The following EFCAB8 variants were observed in gnomAD, a reference collection of about 807,000 sequenced individuals.
EFCAB8 encodes EF-hand calcium-binding domain-containing protein 8.
A neutral mutation model predicts 116.3 loss-of-function variants in EFCAB8; 100 were observed. The ratio of observed to expected loss-of-function variants is 0.86; its 90% CI spans 0.73 to 1.02. The LOEUF (loss-of-function observed/expected upper bound fraction) is 1.02, where lower values mean the gene tolerates loss of function less well. EFCAB8 is among the 50% of genes least tolerant of loss of function. The probability of loss-of-function intolerance (pLI) is 0.00; values close to 1 mark genes in which losing one functional copy is unlikely to be tolerated. For synonymous variants in EFCAB8, 558 were observed against 567.9 expected, an observed-to-expected ratio of 0.98 and a Z score of 0.25; for missense variants, 1,320 against 1,416.9, an observed-to-expected ratio of 0.93 and a Z score of 1.10.
chr20:32,892,823 C>T (rs1985980067), intron 8 of EFCAB8, among the ~76,000 whole-genome samples: 1 of 150,806 alleles, frequency 6.6e-6, no homozygotes, highest in African/African-American at 2.5e-5. Context: ...GTGGAGGCTC[C>T]ACAGCCTCTT....
chr20:32,905,719 CACT>C, intron 11 of EFCAB8, among the ~76,000 whole-genome samples: 1 of 138,856 alleles, frequency 7.2e-6, no homozygotes, highest in Non-Finnish European at 1.5e-5. Context: ...AAGATCGCAC[CACT>C]GCACTCCAGC....
chr20:32,868,888 G>A (rs1486737892), intron 3 of EFCAB8, among the ~76,000 whole-genome samples: 1 of 152,176 alleles, frequency 6.6e-6, no homozygotes, highest in Admixed American at 6.5e-5. Context: ...GGGAGGCTGA[G>A]GCAAGAGAAT....
At chr20:32,907,488 C>T (rs1986731438) in intron 13 of EFCAB8, among the ~76,000 whole-genome samples, 1 of 152,224 alleles carries the variant, frequency 6.6e-6, no homozygotes, top group African/African-American at 2.4e-5. Context: ...CACTGTGCTC[C>T]TCTGCAGCTG....
chr20:32,923,480 G>A (rs1169192559), intron 20 of EFCAB8, among the ~76,000 whole-genome samples: 2 of 151,838 alleles, frequency 1.3e-5, no homozygotes, highest in Non-Finnish European at 2.9e-5. Context: ...AGTGAGATTC[G>A]CCTCCAAAAC....
intron 23 of EFCAB8, among the ~76,000 whole-genome samples, chr20:32,955,331 G>C (rs866808080): frequency 3.2e-4 from 48 of 152,154 alleles, no homozygotes; most frequent in African/African-American, 1.1e-3. Flanking sequence ...CTTGAACCCA[G>C]GAGTTTGAGG....
chr20:32,942,910 C>G (rs1043749258), intron 22 of EFCAB8, among the ~76,000 whole-genome samples: 1 of 152,110 alleles, frequency 6.6e-6, no homozygotes, highest in African/African-American at 2.4e-5. Flanking sequence ...TACTATATAC[C>G]AGTTTTACAT....
At chr20:32,861,600 T>C (rs913026068) in intron 1 of EFCAB8, among the ~76,000 whole-genome samples, 2 of 152,124 alleles carry the variant, frequency 1.3e-5, no homozygotes, top group African/African-American at 4.8e-5. Flanking sequence ...TTGAAACACA[T>C]GTTAAAGATT....
intron 22 of EFCAB8, among the ~76,000 whole-genome samples, chr20:32,943,302 T>G (rs914749992): frequency 1.2e-4 from 18 of 152,228 alleles, no homozygotes; most frequent in African/African-American, 4.1e-4. Flanking sequence ...GGTTGTGAGG[T>G]TCAAATGGAA....
chr20:32,910,822 C>G (rs1986886582), intron 15 of EFCAB8, among the ~76,000 whole-genome samples: 1 of 144,090 alleles, frequency 6.9e-6, no homozygotes, highest in Admixed American at 7.2e-5. Flanking sequence ...ACTGCAGTCT[C>G]TGCCTTCCGG....
intron 10 of EFCAB8, among the ~76,000 whole-genome samples, chr20:32,897,348 G>A (rs62208907): frequency 0.072 from 10,936 of 152,010 alleles, 435 homozygotes; most frequent in South Asian, 0.096. Flanking sequence ...AGTACCCTGC[G>A]CTTGGTGGGC....
intron 5 of EFCAB8, among the ~76,000 whole-genome samples, chr20:32,881,199 C>CT (rs1349444400): frequency 6.6e-6 from 1 of 152,048 alleles, no homozygotes; most frequent in African/African-American, 2.4e-5. Flanking sequence ...TCTCTCTTTT[C>CT]TTTTTTTCTT....
intron 19 of EFCAB8, among the ~76,000 whole-genome samples, chr20:32,919,021 C>T (rs1192258996): frequency 2.6e-5 from 4 of 152,196 alleles, no homozygotes; most frequent in African/African-American, 9.7e-5. Flanking sequence ...CACTTTCCTC[C>T]TCCTCTGAGC....
rs552600320 is a variant in EFCAB8 at position 32,900,079 on chromosome 20, G to A, written c.1088+1456G>A. ...ATTGAGCCCCAGGAGAGTCTTTTTG[G>A]GGGAACAGCAGGAGATTTAAGGCCT... On this transcript the variant is annotated intron_variant, in intron 11 of 26. Transcript: ENST00000400522. Among the ~76,000 whole-genome samples the A allele has an allele frequency of 9.2e-5, 14 of 152,218 alleles. No homozygotes were observed. In the South Asian group the frequency reaches 1.2e-3, roughly 14 times the overall value.
intron 9 of EFCAB8, among the ~76,000 whole-genome samples, chr20:32,894,753 G>A (rs1019641602): frequency 2.6e-5 from 4 of 152,200 alleles, no homozygotes; most frequent in East Asian, 1.9e-4. Flanking sequence ...AACGTGGAAC[G>A]TTAGGCACCT....
intron 4 of EFCAB8, among the ~76,000 whole-genome samples, chr20:32,878,475 G>C (rs933175912): frequency 2.6e-5 from 4 of 151,840 alleles, no homozygotes; most frequent in Admixed American, 2.6e-4. Flanking sequence ...GAGATGGGGT[G>C]GTGAGGGGGA....
At position 32,889,768 on chromosome 20, in the gene EFCAB8, G is replaced by A. The variant is rs1366983253; in HGVS notation, c.673+362G>A. The stretch of plus-strand genomic sequence containing the variant: ...TGTAATACCAGCACTTCAGGAGGCC[G>A]AGGCAGGCGGATCACCTGAGGTCAG... On this transcript the variant is annotated intron_variant, in intron 7 of 26. Coordinates refer to ENST00000400522, the MANE Select transcript of EFCAB8 (RefSeq NM_001143967.2). 4.6e-5 allele frequency among the ~76,000 whole-genome samples: 7 copies of A among 152,004 alleles called. No homozygotes were observed. In the East Asian group the frequency reaches 5.8e-4, roughly 13 times the overall value.
In EFCAB8 at chr20:32,863,101, G is replaced by T. The variant is rs141633214; in HGVS notation, c.-10-682G>T. Among the ~76,000 whole-genome samples, 148 of 151,620 alleles carry T rather than the reference G, an allele frequency of 9.8e-4. 1 individual carries two copies. The highest frequency in any genetic ancestry group is 6.8e-3 in the Middle Eastern group (2 of 294). The stretch of plus-strand genomic sequence containing the variant: ...CAAGCCAAGCTGGCTCAGTTGGTCT[G>T]CCCCCTGTGCGTGTCTTGGGCTTAA... On this transcript the variant is annotated intron_variant, in intron 1 of 26. Transcript: ENST00000400522.
intron 22 of EFCAB8, among the ~76,000 whole-genome samples, chr20:32,932,473 G>T (rs112549717): frequency 2.9e-4 from 44 of 152,278 alleles, no homozygotes; most frequent in Middle Eastern, 3.4e-3. Context: ...ACGTAAAAAG[G>T]CTTACAGCGA....
intron 10 of EFCAB8, among the ~76,000 whole-genome samples, chr20:32,897,308 G>A (rs73904071): frequency 0.032 from 4,880 of 152,122 alleles, 227 homozygotes; most frequent in African/African-American, 0.1. Context: ...CAGCGGCTTC[G>A]TGCTCTCGGT....
Sources: gnomAD v4.1 joint callset for allele counts (sites outside exome capture counted in the v4.1 genomes callset) on GRCh38, gnomAD v4.1.1 for gene constraint, MANE v1.5 for transcripts, NCBI Gene and HGNC (gene_info 2026-07-23, HGNC 2026-07-21) for gene names.